The following DENND11 variants were observed in gnomAD, a reference collection of about 807,000 sequenced individuals.
The protein encoded by DENND11 is DENN domain containing 11.
Under a neutral mutation model 49.2 loss-of-function variants are expected in DENND11, and 34 were observed. That is an observed-to-expected ratio of 0.69 (90% CI 0.53 to 0.92). The LOEUF (loss-of-function observed/expected upper bound fraction) is 0.92, where lower values mean the gene tolerates loss of function less well. DENND11 is among the 40% of genes least tolerant of loss of function. The pLI, the probability that DENND11 is intolerant of heterozygous loss-of-function variation, is 0.00. For synonymous variants in DENND11, 238 were observed against 230.3 expected, an observed-to-expected ratio of 1.03 and a Z score of -0.30; for missense variants, 475 against 581.6, an observed-to-expected ratio of 0.82 and a Z score of 1.88.
chr7:141,664,155 A>C lies in DENND11; in HGVS notation c.1172+17T>G. 2 of 1,565,298 alleles carry C rather than the reference A, an allele frequency of 1.3e-6. No homozygotes were observed. The stretch of plus-strand genomic sequence containing the variant: ...GGATCCTCAGGGAGACTCCACATCC[A>C]CGGCCCCAGGACTCACAGCACGAAG... On this transcript the variant is annotated intron_variant, in intron 8 of 8. Coordinates refer to ENST00000536163, the MANE Select transcript of DENND11 (RefSeq NM_001080392.2).
intron 3 of DENND11, among the ~76,000 whole-genome samples, chr7:141,677,574 G>T (rs537488826): frequency 5.6e-4 from 83 of 148,470 alleles, no homozygotes; most frequent in African/African-American, 2.0e-3. Flanking sequence ...TCCTGGCTTT[G>T]CAAATGCAGA....
At chr7:141,699,452 T>C (rs1798470117) in intron 1 of DENND11, among the ~76,000 whole-genome samples, 1 of 152,116 alleles carries the variant, frequency 6.6e-6, no homozygotes, top group South Asian at 2.1e-4. Flanking sequence ...TCTATCAGAG[T>C]ATTTTTACAG....
At chr7:141,670,697 G>C (rs147345836) in intron 4 of DENND11, among the ~76,000 whole-genome samples, 1 of 152,214 alleles carries the variant, frequency 6.6e-6, no homozygotes, top group East Asian at 1.9e-4. Flanking sequence ...ACCATCATAA[G>C]GTCGAAAAAT....
chr7:141,677,402 A>AAAT (rs1554409356), intron 3 of DENND11, among the ~76,000 whole-genome samples: 25 of 75,880 alleles, frequency 3.3e-4, no homozygotes, highest in Admixed American at 8.6e-4. Context: ...AAAAAAAAAA[A>AAAT]ATATATATAT....
chr7:141,685,032 ATATAT>A (rs1563002191), intron 3 of DENND11, among the ~76,000 whole-genome samples: 346 of 91,610 alleles, frequency 3.8e-3, no homozygotes, highest in South Asian at 0.011. Context: ...AAAAAAAAAT[ATATAT>A]ATATATATAT....
chr7:141,658,016 A>G lies in DENND11; in HGVS notation c.*4640T>C, dbSNP rs1797725273. 1 of 152,356 alleles carries G rather than the reference A, an allele frequency of 6.6e-6. No individual in the cohort carries two copies. Among genetic ancestry groups the G allele is most frequent in the South Asian group, 2.1e-4 (1 of 4,828 alleles). 9.4% of individuals were successfully genotyped at this position (152,356 alleles called of 1,614,324 possible). A position where few individuals can be genotyped will look rare whatever the true frequency, so the allele number is the denominator to read the frequency against. On this transcript the variant is annotated 3_prime_UTR_variant, in exon 9 of 9. Coordinates refer to ENST00000536163, the MANE Select transcript of DENND11 (RefSeq NM_001080392.2). Reference sequence around the variant, plus strand: ...TAGGACTGTCAAGTCTGCCTCCTAAAGAGCGCTGTCAGGATTTCATAGCAC... The same window carrying G: ...TAGGACTGTCAAGTCTGCCTCCTAAGGAGCGCTGTCAGGATTTCATAGCAC...
rs60114517 is a variant in DENND11, at chr7:141,691,636, T to C, written c.269-4978A>G. Among the ~76,000 whole-genome samples the C allele has an allele frequency of 1.3e-3, 198 of 152,304 alleles. 4 individuals are homozygous for C. The East Asian group carries it at 0.029, about 23-fold the overall frequency. On this transcript the variant is annotated intron_variant, in intron 1 of 8. Coordinates refer to ENST00000536163, the MANE Select transcript of DENND11 (RefSeq NM_001080392.2). ...CATCTGGGTTGGGAAGAAAGGTCCA[T>C]TAGAGGCTGGCAAATCAAAGAACAG...
At chr7:141,680,461 T>G (rs917881723) in intron 3 of DENND11, among the ~76,000 whole-genome samples, 1 of 152,082 alleles carries the variant, frequency 6.6e-6, no homozygotes, top group South Asian at 2.1e-4. Context: ...TTTCACTTTA[T>G]GTGAGTGGTA....
intron 8 of DENND11, 187 bp from the exon 9 acceptor site, chr7:141,663,038 G>A: frequency 2.1e-6 from 1 of 465,762 alleles, no homozygotes; most frequent in African/African-American, 2.0e-5. Context: ...GGTTAGCAAA[G>A]AAACCATTTG....
At chr7:141,668,677 CT>C (rs1283347017) in intron 4 of DENND11, among the ~76,000 whole-genome samples, 3 of 152,224 alleles carry the variant, frequency 2.0e-5, no homozygotes, top group Non-Finnish European at 1.5e-5. Context: ...CATGGCCCTT[CT>C]TGGGACCTGC....
intron 1 of DENND11, among the ~76,000 whole-genome samples, chr7:141,695,201 T>G (rs1016378287): frequency 6.6e-6 from 1 of 152,138 alleles, no homozygotes; most frequent in South Asian, 2.1e-4. Context: ...TTTCATGTTA[T>G]AGGGGATATG....
At chr7:141,674,856 A>G (rs990757455) in intron 3 of DENND11, among the ~76,000 whole-genome samples, 1 of 152,164 alleles carries the variant, frequency 6.6e-6, no homozygotes, top group Admixed American at 6.5e-5. Context: ...CTGCTGGCCA[A>G]CCCCAGACCC....
chr7:141,701,522 A>G (rs1225073982), intron 1 of DENND11: 1 of 154,436 alleles, frequency 6.5e-6, no homozygotes, highest in Non-Finnish European at 1.4e-5. Flanking sequence ...CTAGCCCCCA[A>G]GAAAAGAAAA....
chr7:141,672,179 G>A (rs190462080), intron 4 of DENND11, among the ~76,000 whole-genome samples: 1 of 152,320 alleles, frequency 6.6e-6, no homozygotes, highest in Admixed American at 6.5e-5. Context: ...AGGCTCCCAT[G>A]GTTTTGCTCA....
chr7:141,699,534 G>T (rs1437488526), intron 1 of DENND11, among the ~76,000 whole-genome samples: 1 of 152,150 alleles, frequency 6.6e-6, no homozygotes, highest in East Asian at 1.9e-4. Context: ...GTAAAGGACT[G>T]CTTTCCCCCC....
rs1463728834 is a variant in DENND11 at position 141,674,223 on chromosome 7, G to A, written c.528-3C>T. The stretch of plus-strand genomic sequence containing the variant: ...GTCCTGGCATCTCCAACTGGTGCCT[G>A]CAGAAAAACACACACACACACACAC... On this transcript the variant is annotated splice_region_variant and splice_polypyrimidine_tract_variant and intron_variant, in intron 3 of 8. Transcript: ENST00000536163. The A allele has an allele frequency of 6.5e-7, 1 of 1,529,224 alleles. No individual in the cohort carries two copies. Among genetic ancestry groups the A allele is most frequent in the South Asian group, 1.2e-5 (1 of 81,688 alleles). The allele number at this position is 1,529,224 out of a possible 1,614,324, so 94.7% of individuals were successfully genotyped here.
At chr7:141,674,828 G>A (rs1305203181) in intron 3 of DENND11, among the ~76,000 whole-genome samples, 2 of 152,194 alleles carry the variant, frequency 1.3e-5, no homozygotes, top group Non-Finnish European at 2.9e-5. Context: ...GGGTCACAGA[G>A]CCTGGCTGTG....
chr7:141,675,422 C>T (rs900955842), intron 3 of DENND11, among the ~76,000 whole-genome samples: 2 of 152,156 alleles, frequency 1.3e-5, no homozygotes, highest in Non-Finnish European at 2.9e-5. Context: ...CCCGGAAAAG[C>T]CCTAATTGAG....
intron 1 of DENND11, among the ~76,000 whole-genome samples, chr7:141,692,504 G>C (rs538084776): frequency 6.6e-6 from 1 of 152,160 alleles, no homozygotes; most frequent in Admixed American, 6.6e-5. Context: ...TTTGCCAAAG[G>C]AACAAAGGCA....
Sources: gnomAD v4.1 joint callset for allele counts (sites outside exome capture counted in the v4.1 genomes callset) on GRCh38, gnomAD v4.1.1 for gene constraint, MANE v1.5 for transcripts, NCBI Gene and HGNC (gene_info 2026-07-23, HGNC 2026-07-21) for gene names.